The following TMEM132D variants were observed in gnomAD, a reference collection of about 807,000 sequenced individuals.
TMEM132D encodes the protein mature OL transmembrane protein.
Under a neutral mutation model 62.3 loss-of-function variants are expected in TMEM132D, and 21 were observed. That is an observed-to-expected ratio of 0.34 (90% CI 0.24 to 0.49). TMEM132D has a LOEUF of 0.49. Ranked by LOEUF, TMEM132D falls within the 20% of genes least tolerant of loss-of-function variation. The pLI is 0.99. For synonymous variants in TMEM132D, 621 were observed against 575.6 expected (o/e 1.08, Z -1.13); for missense variants, 1,346 against 1,402.8 (o/e 0.96, Z 0.65).
chr12:129,217,525 A>T (rs952400824), intron 4 of TMEM132D, among the ~76,000 whole-genome samples: 8 of 152,140 alleles, frequency 5.3e-5, no homozygotes, highest in African/African-American at 1.9e-4. Flanking sequence ...CCCTGTGCAA[A>T]ATTGGCTCGG....
At chr12:129,628,951 C>T (rs1408951655) in intron 2 of TMEM132D, among the ~76,000 whole-genome samples, 1 of 151,564 alleles carries the variant, frequency 6.6e-6, no homozygotes, top group Admixed American at 6.6e-5. Flanking sequence ...CTCTCTTTCT[C>T]TCTCATGTCT....
intron 5 of TMEM132D, among the ~76,000 whole-genome samples, chr12:129,150,596 C>T (rs80135598): frequency 0.025 from 3,761 of 152,316 alleles, 175 homozygotes; most frequent in African/African-American, 0.086. Flanking sequence ...AGAGGCCACC[C>T]AGGTGACCAG....
chr12:129,434,365 C>T (rs578121704), intron 3 of TMEM132D, among the ~76,000 whole-genome samples: 3 of 151,932 alleles, frequency 2.0e-5, no homozygotes, highest in African/African-American at 7.2e-5. Flanking sequence ...TGAACATGGC[C>T]GAATGAATAT....
intron 4 of TMEM132D, among the ~76,000 whole-genome samples, chr12:129,260,122 G>C (rs1593314643): frequency 6.6e-6 from 1 of 152,178 alleles, no homozygotes; most frequent in Admixed American, 6.5e-5. Flanking sequence ...GTCTACCACA[G>C]AGGCTTGGGA....
intron 5 of TMEM132D, among the ~76,000 whole-genome samples, chr12:129,185,811 C>CTATCT (rs56931832): frequency 0.033 from 2,044 of 61,042 alleles, 21 homozygotes; most frequent in East Asian, 0.072. Flanking sequence ...ATCTATCTAT[C>CTATCT]ATCTATCTAT....
In TMEM132D at chr12:129,073,563, CGA is replaced by C. The variant is rs893221919; in HGVS notation, c.*310_*311del. On this transcript the variant is annotated 3_prime_UTR_variant, in exon 9 of 9. Coordinates refer to ENST00000422113, the MANE Select transcript of TMEM132D (RefSeq NM_133448.3). ...TTACAATATCCAAATTGCTTTGATT[CGA>C]GAGAGAGAGGCTGTTCTTTCCTGGA... 35 of 275,314 alleles carry C rather than the reference CGA, an allele frequency of 1.3e-4. No individual in the cohort carries two copies. Among genetic ancestry groups the C allele is most frequent in the East Asian group, 3.9e-4 (6 of 15,192 alleles). The allele number at this position is 275,314 out of a possible 1,614,324, so 17.1% of individuals were successfully genotyped here. A position where few individuals can be genotyped will look rare whatever the true frequency, so the allele number is the denominator to read the frequency against.
In TMEM132D at chr12:129,367,197, G is replaced by T. The variant is rs564535149; in HGVS notation, c.1116-29380C>A. Among the ~76,000 whole-genome samples, 115 of 152,326 alleles carry T rather than the reference G, an allele frequency of 7.5e-4. No homozygotes were observed. In the South Asian group the frequency reaches 0.023, roughly 31 times the overall value. ...GTACAATTGACGCCTTCATTTGCTGGTGTATAGAATAAAGTGCTTATTGTT... is the reference window on the plus strand; with the variant it reads ...GTACAATTGACGCCTTCATTTGCTGTTGTATAGAATAAAGTGCTTATTGTT... On this transcript the variant is annotated intron_variant, in intron 3 of 8. Coordinates refer to ENST00000422113, the MANE Select transcript of TMEM132D (RefSeq NM_133448.3).
In TMEM132D at chr12:129,525,226, GTTTTTTTTT is replaced by G. The variant is rs765569025; in HGVS notation, c.1115+5824_1115+5832del. On this transcript the variant is annotated intron_variant, in intron 3 of 8. Transcript: ENST00000422113. ...GGGTATGAGCCACGGTGCCCAGCCGGTTTTTTTTTTTTTTTTTTTTTTTTTTTTTGCTAA... is the reference window on the plus strand; with the variant it reads ...GGGTATGAGCCACGGTGCCCAGCCGGTTTTTTTTTTTTTTTTTTTTGCTAA... 2.4e-3 allele frequency among the ~76,000 whole-genome samples: 162 copies of G among 67,396 alleles called. 3 individuals carry two copies. The highest frequency in any genetic ancestry group is 1.3e-3 in the African/African-American group (25 of 19,666). 44.2% of individuals were successfully genotyped at this position (67,396 alleles called of 152,430 possible).
intron 2 of TMEM132D, among the ~76,000 whole-genome samples, chr12:129,697,666 AC>A (rs1469888920): frequency 2.0e-5 from 3 of 152,150 alleles, no homozygotes; most frequent in African/African-American, 7.2e-5. Context: ...AATTTTCCAA[AC>A]TTTGACCTGT....
chr12:129,538,514 T>C (rs1263855538), intron 2 of TMEM132D, among the ~76,000 whole-genome samples: 2 of 152,236 alleles, frequency 1.3e-5, no homozygotes, highest in African/African-American at 4.8e-5. Flanking sequence ...CCCCAGTGGA[T>C]GTATGAAACC....
intron 3 of TMEM132D, among the ~76,000 whole-genome samples, chr12:129,353,908 G>T (rs112563685): frequency 2.0e-5 from 3 of 151,768 alleles, no homozygotes; most frequent in Non-Finnish European, 4.4e-5. Flanking sequence ...TAATCTTCTC[G>T]CACGGAGCCA....
chr12:129,642,305 G>A (rs983409463), intron 2 of TMEM132D, among the ~76,000 whole-genome samples: 1 of 152,188 alleles, frequency 6.6e-6, no homozygotes, highest in African/African-American at 2.4e-5. Flanking sequence ...AAGGCCAAGG[G>A]CCCTGGCAGG....
chr12:129,129,802 C>T (rs1027680839), intron 5 of TMEM132D, among the ~76,000 whole-genome samples: 12 of 152,026 alleles, frequency 7.9e-5, no homozygotes, highest in African/African-American at 2.9e-4. Flanking sequence ...CTGAGAAGTG[C>T]CTGTTCATGA....
In TMEM132D at chr12:129,074,053, T is replaced by C; in HGVS notation, c.3122A>G (p.Lys1041Arg). Residue 1041 changes from lysine (K) to arginine (R), a missense_variant, in exon 9 of 9, where the codon AAA becomes AGA. By Grantham distance (26) the Lys-to-Arg change is conservative. Coordinates refer to ENST00000422113, the MANE Select transcript of TMEM132D (RefSeq NM_133448.3). ...GGTGGTAAATTTTACCCTTTTCCTT[T>C]TTGAGGTAGGGGATGTTGGGGGCTC... ...KSEPPTSPTS[K>R]RKRVKFTTFT... 2 of 1,613,880 alleles carry C rather than the reference T, an allele frequency of 1.2e-6. No homozygotes were observed. Among genetic ancestry groups the C allele is most frequent in the Non-Finnish European group, 1.7e-6 (2 of 1,179,908 alleles).
chr12:129,275,890 C>T (rs1174456391), intron 4 of TMEM132D, among the ~76,000 whole-genome samples: 1 of 152,124 alleles, frequency 6.6e-6, no homozygotes, highest in Non-Finnish European at 1.5e-5. Context: ...AACAAGCAAG[C>T]CTAGAGGGCT....
At chr12:129,345,035 TG>T (rs1254816955) in intron 3 of TMEM132D, among the ~76,000 whole-genome samples, 1 of 152,136 alleles carries the variant, frequency 6.6e-6, no homozygotes, top group Non-Finnish European at 1.5e-5. Context: ...TTTCGCACAC[TG>T]AAAAAACTTC....
intron 3 of TMEM132D, among the ~76,000 whole-genome samples, chr12:129,447,313 C>A (rs953270908): frequency 1.3e-5 from 2 of 152,160 alleles, no homozygotes; most frequent in African/African-American, 2.4e-5. Flanking sequence ...CAAACGTAAC[C>A]CTTTCATTCA....
intron 3 of TMEM132D, among the ~76,000 whole-genome samples, chr12:129,492,049 T>A (rs1026285321): frequency 6.6e-6 from 1 of 152,186 alleles, no homozygotes; most frequent in Non-Finnish European, 1.5e-5. Flanking sequence ...ATGAATTGGG[T>A]TTGTTTATTA....
intron 1 of TMEM132D, among the ~76,000 whole-genome samples, chr12:129,843,899 G>A (rs925835775): frequency 5.9e-5 from 9 of 151,818 alleles, no homozygotes; most frequent in African/African-American, 2.2e-4. Flanking sequence ...GGCCAGCCTG[G>A]GCAATATAGT....
Sources: gnomAD v4.1 joint callset for allele counts (sites outside exome capture counted in the v4.1 genomes callset) on GRCh38, gnomAD v4.1.1 for gene constraint, MANE v1.5 for transcripts, NCBI Gene and HGNC (gene_info 2026-07-23, HGNC 2026-07-21) for gene names.